The following GAB1 variants were observed in gnomAD, a reference collection of about 807,000 sequenced individuals.
GAB1 encodes the protein GRB2 associated binding protein 1.
GAB1 carries 19 observed loss-of-function variants against 66.5 expected under a neutral mutation model. The observed-to-expected ratio is 0.29, with a 90% CI of 0.20 to 0.42. GAB1 has a LOEUF of 0.42. Among genes scored for constraint, GAB1 ranks in the 10% least tolerant of loss-of-function variants. GAB1 has a pLI of 1.00. For synonymous variants in GAB1, 294 were observed against 301.4 expected (o/e 0.98, Z 0.25); for missense variants, 732 against 858.5 (o/e 0.85, Z 1.84).
intron 1 of GAB1, among the ~76,000 whole-genome samples, chr4:143,373,887 T>TATATATATATCTATA (rs1560726049): frequency 2.0e-5 from 2 of 98,248 alleles, no homozygotes; most frequent in Non-Finnish European, 4.1e-5. Flanking sequence ...ATATATATAT[T>TATATATATATCTATA]TTTACCTTTC....
chr4:143,412,859 G>A (rs1475928422), intron 1 of GAB1, among the ~76,000 whole-genome samples: 2 of 152,108 alleles, frequency 1.3e-5, no homozygotes, highest in African/African-American at 4.8e-5. Context: ...AGAGAAAAAA[G>A]ACAGGAAACT....
At chr4:143,402,188 A>G (rs1731813307) in intron 1 of GAB1, among the ~76,000 whole-genome samples, 1 of 152,172 alleles carries the variant, frequency 6.6e-6, no homozygotes, top group Non-Finnish European at 1.5e-5. Flanking sequence ...ATAGAGACCA[A>G]ATAGGCTTTT....
chr4:143,427,142 A>G (rs1279679168), intron 2 of GAB1, among the ~76,000 whole-genome samples: 1 of 152,198 alleles, frequency 6.6e-6, no homozygotes, highest in African/African-American at 2.4e-5. Flanking sequence ...CACAGACTGA[A>G]TTCCAGGCCA....
In GAB1 at chr4:143,392,272, A is replaced by G. The variant is rs1229065110; in HGVS notation, c.73-23205A>G. 3.9e-5 allele frequency among the ~76,000 whole-genome samples: 6 copies of G among 152,338 alleles called. No individual in the cohort carries two copies. In the East Asian group the frequency reaches 1.2e-3, roughly 29 times the overall value. On this transcript the variant is annotated intron_variant, in intron 1 of 9. Coordinates refer to ENST00000262994, the MANE Select transcript of GAB1 (RefSeq NM_002039.4). The stretch of plus-strand genomic sequence containing the variant: ...CCCACAAAAATGGTAAAAATAATTA[A>G]CAGTATATAATTTGAACAAATTCTA...
At position 143,439,864 on chromosome 4, in the gene GAB1, C is replaced by G; in HGVS notation, c.1258C>G (p.Leu420Val). 6.2e-7 allele frequency: 1 copy of G among 1,612,882 alleles called. No homozygotes were observed. The highest frequency in any genetic ancestry group is 8.5e-7 in the Non-Finnish European group (1 of 1,178,946). ...RAFPSDRSSS[L>V]EGFHNHFKVK... ...ATTTCCAAGTGATAGATCTAGTTCA[C>G]TTGAAGGCTTCCATAACCACTTTGT... Residue 420 changes from leucine (L) to valine (V), a missense_variant, in exon 5 of 10, where the codon CTT becomes GTT. By Grantham distance (32) the Leu-to-Val change is conservative. Around this residue, in one of 4 missense-constraint regions of GAB1, gnomAD observed 427 missense variants for 420.6 expected, o/e 1.02. Coordinates refer to ENST00000262994, the MANE Select transcript of GAB1 (RefSeq NM_002039.4).
intron 6 of GAB1, 45 bp from the exon 7 acceptor site, chr4:143,459,340 A>G (rs748049485): frequency 1.3e-5 from 15 of 1,147,282 alleles, no homozygotes; most frequent in African/African-American, 3.1e-5. Flanking sequence ...TTTGTTTTCC[A>G]AAGTTCTGTA....
At chr4:143,427,330 C>A (rs990233857) in intron 2 of GAB1, among the ~76,000 whole-genome samples, 6 of 152,152 alleles carry the variant, frequency 3.9e-5, no homozygotes, top group African/African-American at 1.4e-4. Context: ...AGAGGCTTAT[C>A]TAAGGGTTCC....
intron 1 of GAB1, among the ~76,000 whole-genome samples, chr4:143,352,575 G>C (rs1338594524): frequency 6.6e-6 from 1 of 152,124 alleles, no homozygotes; most frequent in African/African-American, 2.4e-5. Flanking sequence ...CAATCACTGG[G>C]TAACTTCTAA....
intron 1 of GAB1, chr4:143,391,346 A>G (rs1050183648): frequency 6.6e-6 from 1 of 152,162 alleles, no homozygotes; most frequent in African/African-American, 2.4e-5. Flanking sequence ...GTAAACCTTG[A>G]GGGAGAAAAG....
rs574952097 is a variant in GAB1, at chr4:143,423,218, A to T, written c.367+7447A>T. Among the ~76,000 whole-genome samples, 3 of 152,346 alleles carry T rather than the reference A, an allele frequency of 2.0e-5. No individual in the cohort carries two copies. The East Asian group carries it at 5.8e-4, about 29-fold the overall frequency. On this transcript the variant is annotated intron_variant, in intron 2 of 9. Coordinates refer to ENST00000262994, the MANE Select transcript of GAB1 (RefSeq NM_002039.4). ...GAGTAAAATAATCCCAAAGACTACA[A>T]CTTTGAAGATAGTGCATTGTCTGAG...
At chr4:143,433,414 T>C (rs1036574268) in intron 2 of GAB1, 77 bp from the exon 3 acceptor site, 1 of 971,760 alleles carries the variant, frequency 1.0e-6, no homozygotes, top group Admixed American at 1.8e-5. Context: ...TTGAAACAAT[T>C]TGTCTCCAAA....
intron 1 of GAB1, among the ~76,000 whole-genome samples, chr4:143,352,562 T>A (rs543745629): frequency 5.3e-5 from 8 of 152,202 alleles, no homozygotes; most frequent in Non-Finnish European, 1.2e-4. Flanking sequence ...TCAGTGTGCA[T>A]AACAATCACT....
At chr4:143,385,557 C>T (rs1318836848) in intron 1 of GAB1, among the ~76,000 whole-genome samples, 1 of 152,174 alleles carries the variant, frequency 6.6e-6, no homozygotes, top group Non-Finnish European at 1.5e-5. Flanking sequence ...CGTTTCTCTG[C>T]CATCTTGAGA....
chr4:143,467,853 C>A (rs1299578530), intron 9 of GAB1, among the ~76,000 whole-genome samples: 1 of 152,140 alleles, frequency 6.6e-6, no homozygotes, highest in Non-Finnish European at 1.5e-5. Flanking sequence ...AAAGCCAACA[C>A]CACGTTTACC....
At chr4:143,441,071 A>C (rs1441258766) in intron 6 of GAB1, among the ~76,000 whole-genome samples, 1 of 152,158 alleles carries the variant, frequency 6.6e-6, no homozygotes, top group Non-Finnish European at 1.5e-5. Context: ...GGGGTAATAC[A>C]TGCTTCTAGT....
At chr4:143,459,580 G>A in intron 7 of GAB1, 102 bp downstream of exon 7, 1 of 755,750 alleles carries the variant, frequency 1.3e-6, no homozygotes, top group Non-Finnish European at 2.3e-6. Flanking sequence ...CTCAATGGAT[G>A]ATCTGAAGAG....
rs1285263460 is a variant in GAB1, at chr4:143,337,177, G to A, written c.-12G>A. On this transcript the variant is annotated 5_prime_UTR_variant, in exon 1 of 10. Coordinates refer to ENST00000262994, the MANE Select transcript of GAB1 (RefSeq NM_002039.4). ...CTCAGCTGCCCGGCCCGGAGCCCGA[G>A]ACGCGCGCACCATGAGCGGTGGTGA... 2.5e-6 allele frequency: 4 copies of A among 1,570,238 alleles called. No individual in the cohort carries two copies. The highest frequency in any genetic ancestry group is 2.3e-5 in the East Asian group (1 of 43,124).
At chr4:143,395,347 A>C (rs1731391023) in intron 1 of GAB1, 1 of 152,712 alleles carries the variant, frequency 6.5e-6, no homozygotes, top group Admixed American at 6.5e-5. Context: ...TGAATAAGTG[A>C]ATGAATGAAC....
At chr4:143,420,424 C>T (rs1305247923) in intron 2 of GAB1, among the ~76,000 whole-genome samples, 1 of 152,052 alleles carries the variant, frequency 6.6e-6, no homozygotes, top group Non-Finnish European at 1.5e-5. Flanking sequence ...AATATCGTTA[C>T]CATGTTATTT....
Sources: allele counts gnomAD v4.1 joint callset (sites outside exome capture counted in the v4.1 genomes callset), GRCh38; gene constraint gnomAD v4.1.1; regional missense constraint gnomAD v4.1.1; transcripts MANE v1.5; gene names NCBI Gene and HGNC (gene_info 2026-07-23, HGNC 2026-07-21).